The following TRPM3 variants were observed in gnomAD, a reference collection of about 807,000 sequenced individuals.
TRPM3 encodes the protein transient receptor potential cation channel subfamily M member 3, also known as long transient receptor potential channel 3.
A neutral mutation model predicts 181.2 loss-of-function variants in TRPM3; 77 were observed. The observed-to-expected ratio is 0.42, with a 90% confidence interval of 0.35 to 0.51. The LOEUF is 0.51. TRPM3 is among the 20% of genes least tolerant of loss of function. The probability of loss-of-function intolerance (pLI) is 0.01; values close to 1 mark genes in which losing one functional copy is unlikely to be tolerated. For missense variants in TRPM3, 1,759 were observed against 2,196.7 expected (o/e 0.80, Z 3.98); for synonymous variants, 745 against 796.4 (o/e 0.94, Z 1.09).
At chr9:70,628,625 C>T (rs553013133) in intron 12 of TRPM3, among the ~76,000 whole-genome samples, 29 of 151,866 alleles carry the variant, frequency 1.9e-4, no homozygotes, top group Middle Eastern at 6.8e-3. Context: ...AGTTTGAGAC[C>T]AGCCTGGGCA....
intron 1 of TRPM3, among the ~76,000 whole-genome samples, chr9:71,300,596 T>C (rs1333918413): frequency 6.6e-6 from 1 of 152,154 alleles, no homozygotes; most frequent in Admixed American, 6.6e-5. Context: ...ATGTTTGTTT[T>C]TAAAGATGAT....
chr9:70,843,481 C>T (rs1255267186), intron 4 of TRPM3, among the ~76,000 whole-genome samples: 1 of 152,152 alleles, frequency 6.6e-6, no homozygotes, highest in Non-Finnish European at 1.5e-5. Flanking sequence ...GAGCCAATAG[C>T]TTGACTGTGT....
At chr9:71,342,071 C>G (rs532248645) in intron 1 of TRPM3, among the ~76,000 whole-genome samples, 4 of 151,696 alleles carry the variant, frequency 2.6e-5, no homozygotes, top group Admixed American at 2.6e-4. Flanking sequence ...CAGAGTAACA[C>G]CACACAGAAA....
intron 22 of TRPM3, among the ~76,000 whole-genome samples, chr9:70,560,777 G>A (rs1446369077): frequency 6.6e-6 from 1 of 152,224 alleles, no homozygotes; most frequent in Non-Finnish European, 1.5e-5. Flanking sequence ...TTCAGATGAA[G>A]TACGAGTACA....
At chr9:70,652,297 CTAAG>C (rs1457994768) in intron 9 of TRPM3, among the ~76,000 whole-genome samples, 1 of 151,780 alleles carries the variant, frequency 6.6e-6, no homozygotes, top group African/African-American at 2.4e-5. Flanking sequence ...ATTTGAAGTG[CTAAG>C]TGACACCCGA....
intron 1 of TRPM3, among the ~76,000 whole-genome samples, chr9:70,958,035 G>A (rs116771103): frequency 0.011 from 1,727 of 152,296 alleles, 8 homozygotes; most frequent in Non-Finnish European, 0.013. Context: ...ATGGAACCTT[G>A]CAACTTTGAG....
intron 1 of TRPM3, among the ~76,000 whole-genome samples, chr9:71,078,384 A>T (rs887245555): frequency 2.6e-5 from 4 of 152,184 alleles, no homozygotes; most frequent in Admixed American, 2.0e-4. Flanking sequence ...TTGTTTATAC[A>T]TAGTAAAGTT....
intron 5 of TRPM3, among the ~76,000 whole-genome samples, chr9:70,842,185 A>G (rs979097150): frequency 1.3e-5 from 2 of 151,838 alleles, no homozygotes; most frequent in African/African-American, 4.9e-5. Flanking sequence ...AATGCATCAC[A>G]GTCTGTCCCA....
chr9:70,827,829 G>A lies in TRPM3; in HGVS notation c.973+18C>T. ...ATACCTCCTACGAGCCATGCCAGTGGGAACAACCGCTACTTACTTGTGTTT... is the reference window on the plus strand; with the variant it reads ...ATACCTCCTACGAGCCATGCCAGTGAGAACAACCGCTACTTACTTGTGTTT... On this transcript the variant is annotated intron_variant, in intron 6 of 25. Transcript: ENST00000677713. The A allele has an allele frequency of 6.2e-7, 1 of 1,611,684 alleles. No individual in the cohort carries two copies. Among genetic ancestry groups the A allele is most frequent in the Non-Finnish European group, 8.5e-7 (1 of 1,178,208 alleles).
In TRPM3 at chr9:70,535,987, G is replaced by C; in HGVS notation, c.5126C>G (p.Ser1709Trp). 2 of 1,608,454 alleles carry C rather than the reference G, an allele frequency of 1.2e-6. No homozygotes were observed. The highest frequency in any genetic ancestry group is 3.3e-4 in the Middle Eastern group (2 of 6,020). Residue 1709 changes from serine (S) to tryptophan (W), a missense_variant, in exon 26 of 26, where the codon TCG becomes TGG. Coordinates refer to ENST00000677713, the MANE Select transcript of TRPM3 (RefSeq NM_001366145.2). ...CTTGCTTTCAAAGCTTTGGAAAGCCGATGTTCTGGACAGTCTCCTCATGGA... is the reference window on the plus strand; with the variant it reads ...CTTGCTTTCAAAGCTTTGGAAAGCCCATGTTCTGGACAGTCTCCTCATGGA... ...SLSMRRLSRT[S>W]AFQSFESKHN
At chr9:71,267,008 C>T (rs1021925314) in intron 1 of TRPM3, among the ~76,000 whole-genome samples, 2 of 151,660 alleles carry the variant, frequency 1.3e-5, no homozygotes, top group Admixed American at 1.3e-4. Context: ...TAATTTGATT[C>T]CACATGACTC....
intron 22 of TRPM3, among the ~76,000 whole-genome samples, chr9:70,573,972 T>TCTCACACA (rs371401242): frequency 7.8e-5 from 11 of 140,938 alleles, no homozygotes; most frequent in African/African-American, 3.0e-4. Context: ...GCAATTCATT[T>TCTCACACA]CACACACACA....
intron 1 of TRPM3, among the ~76,000 whole-genome samples, chr9:70,927,588 C>T (rs746127872): frequency 6.6e-6 from 1 of 152,124 alleles, no homozygotes; most frequent in Non-Finnish European, 1.5e-5. Flanking sequence ...TTTCCAACAG[C>T]TGGTAGTCTT....
At chr9:70,668,804 A>C (rs981386191) in intron 9 of TRPM3, among the ~76,000 whole-genome samples, 4 of 151,722 alleles carry the variant, frequency 2.6e-5, no homozygotes, top group African/African-American at 9.7e-5. Context: ...TTATTAATGT[A>C]AGCTACTTAT....
chr9:70,610,757 G>C lies in TRPM3; in HGVS notation c.2527-8C>G. The C allele has an allele frequency of 6.2e-7, 1 of 1,613,948 alleles. No individual in the cohort carries two copies. Among genetic ancestry groups the C allele is most frequent in the Non-Finnish European group, 8.5e-7 (1 of 1,179,940 alleles). On this transcript the variant is annotated splice_region_variant and splice_polypyrimidine_tract_variant and intron_variant, in intron 18 of 25. Transcript: ENST00000677713. ...GTTTCGTCCCAACATTGCCTATGTT[G>C]GAAGAGAATCGATACCATCATGACA...
At chr9:71,362,237 G>T (rs146750216) in intron 1 of TRPM3, among the ~76,000 whole-genome samples, 14 of 152,284 alleles carry the variant, frequency 9.2e-5, no homozygotes, top group African/African-American at 2.4e-4. Context: ...GGGGGTTAAG[G>T]TTCCTTTATT....
intron 1 of TRPM3, among the ~76,000 whole-genome samples, chr9:71,004,216 C>A (rs755451097): frequency 6.6e-6 from 1 of 152,218 alleles, no homozygotes; most frequent in Admixed American, 6.5e-5. Context: ...GGGGCACAAT[C>A]CACTGAAAGG....
At chr9:71,425,857 T>C (rs1321041588) in intron 1 of TRPM3, among the ~76,000 whole-genome samples, 1 of 152,180 alleles carries the variant, frequency 6.6e-6, no homozygotes, top group African/African-American at 2.4e-5. Flanking sequence ...GGCTCCAGCC[T>C]ATTAATCTCT....
chr9:71,405,287 G>C (rs943662683), intron 1 of TRPM3, among the ~76,000 whole-genome samples: 1 of 152,126 alleles, frequency 6.6e-6, no homozygotes, highest in Non-Finnish European at 1.5e-5. Context: ...ATACAGCAAA[G>C]TGCAAAATGC....
Sources: gnomAD v4.1 joint callset for allele counts (sites outside exome capture counted in the v4.1 genomes callset) on GRCh38, gnomAD v4.1.1 for gene constraint, MANE v1.5 for transcripts, NCBI Gene and HGNC (gene_info 2026-07-23, HGNC 2026-07-21) for gene names.